ARAP2: variants seen among roughly 807,000 people sequenced by gnomAD.
ARAP2 encodes arf-GAP with Rho-GAP domain, ANK repeat and PH domain-containing protein 2.
ARAP2 carries 148 observed loss-of-function variants against 194.5 expected under a neutral mutation model. That is an observed-to-expected ratio of 0.76 (90% CI 0.67 to 0.87). The LOEUF is 0.87. Among genes scored for constraint, ARAP2 ranks in the 40% least tolerant of loss-of-function variants. The probability of loss-of-function intolerance (pLI) is 0.00; values close to 1 mark genes in which losing one functional copy is unlikely to be tolerated. For synonymous variants in ARAP2, 695 were observed against 683.5 expected (o/e 1.02, Z -0.26); for missense variants, 2,128 against 1,989.7 (o/e 1.07, Z -1.32).
chr4:36,059,312 G>A (rs543279071), intron 1 of ARAP2, among the ~76,000 whole-genome samples: 1 of 152,226 alleles, frequency 6.6e-6, no homozygotes, highest in East Asian at 1.9e-4. Flanking sequence ...ATAGTAGCAT[G>A]CAATTAGGGA....
At chr4:36,037,378 A>G (rs925094589) in intron 5 of ARAP2, among the ~76,000 whole-genome samples, 4 of 152,132 alleles carry the variant, frequency 2.6e-5, no homozygotes, top group African/African-American at 9.7e-5. Flanking sequence ...TGGGGATGTG[A>G]TGACATTAAC....
At chr4:36,182,185 T>C (rs1739434426) in intron 8 of ARAP2, among the ~76,000 whole-genome samples, 1 of 152,100 alleles carries the variant, frequency 6.6e-6, no homozygotes, top group African/African-American at 2.4e-5. Context: ...ACAAGTACTT[T>C]TTACTCTCAG....
chr4:36,167,902 C>T (rs10003917), intron 9 of ARAP2, among the ~76,000 whole-genome samples: 6 of 151,490 alleles, frequency 4.0e-5, no homozygotes, highest in South Asian at 2.1e-4. Context: ...CCACACTTTA[C>T]AAAACAATAT....
chr4:36,101,854 A>C (rs1717022191), intron 27 of ARAP2, among the ~76,000 whole-genome samples: 1 of 152,026 alleles, frequency 6.6e-6, no homozygotes, highest in Non-Finnish European at 1.5e-5. Context: ...CATGATTACC[A>C]TGACCACCAT....
intron 3 of ARAP2, among the ~76,000 whole-genome samples, chr4:36,048,148 A>G (rs1722118892): frequency 6.6e-6 from 1 of 152,198 alleles, no homozygotes; most frequent in Non-Finnish European, 1.5e-5. Context: ...TATACCCAGT[A>G]AAAGATTAAA....
At chr4:36,088,390 TAA>T (rs1712519020) in intron 28 of ARAP2, among the ~76,000 whole-genome samples, 1 of 152,184 alleles carries the variant, frequency 6.6e-6, no homozygotes. Context: ...AGCATAAACG[TAA>T]AGTTTGTGAA....
At chr4:36,164,320 TG>T (rs763224532) in intron 11 of ARAP2, among the ~76,000 whole-genome samples, 3 of 152,144 alleles carry the variant, frequency 2.0e-5, no homozygotes, top group Non-Finnish European at 2.9e-5. Context: ...ACACCTAAGC[TG>T]GGGTCCACTT....
intron 1 of ARAP2, among the ~76,000 whole-genome samples, chr4:36,242,550 T>C (rs1433090696): frequency 6.6e-6 from 1 of 152,200 alleles, no homozygotes; most frequent in Non-Finnish European, 1.5e-5. Context: ...ATAGTTTCAA[T>C]GCGTTAAAGT....
chr4:36,114,468 T>G (rs1218165181), intron 25 of ARAP2, among the ~76,000 whole-genome samples, 181 bp from the exon 26 acceptor site: 1 of 152,020 alleles, frequency 6.6e-6, no homozygotes, highest in East Asian at 1.9e-4. Flanking sequence ...CCATAAAATG[T>G]ACATAAGTAC....
chr4:36,073,520 A>G (rs1727523790), intron 32 of ARAP2, among the ~76,000 whole-genome samples, 169 bp downstream of exon 32: 1 of 152,136 alleles, frequency 6.6e-6, no homozygotes, highest in Admixed American at 6.6e-5. Context: ...AATAAAAGGT[A>G]TAAGGTTATT....
chr4:36,237,155 A>G (rs756074977), intron 1 of ARAP2, among the ~76,000 whole-genome samples: 1 of 152,254 alleles, frequency 6.6e-6, no homozygotes, highest in African/African-American at 2.4e-5. Flanking sequence ...TGTTGCATGT[A>G]TCATTGTAGA....
rs771256624 is a variant in ARAP2, at chr4:36,133,419, T to C, written c.3264-30A>G. 14 of 1,586,762 alleles carry C rather than the reference T, an allele frequency of 8.8e-6. No individual in the cohort carries two copies. In the Middle Eastern group the frequency reaches 5.1e-4, roughly 57 times the overall value. On this transcript the variant is annotated intron_variant, in intron 19 of 32. Coordinates refer to ENST00000303965, the MANE Select transcript of ARAP2 (RefSeq NM_015230.4). ...AAAGTTTAAAAAGCATTTCAAATTA[T>C]AATTTTGCTCTTTAAAAAAAAATCT...
At chr4:36,198,914 G>A (rs921669574) in intron 6 of ARAP2, among the ~76,000 whole-genome samples, 2 of 152,172 alleles carry the variant, frequency 1.3e-5, no homozygotes, top group African/African-American at 4.8e-5. Flanking sequence ...AGGGAGGCCT[G>A]GACTCATAGC....
intron 1 of ARAP2, among the ~76,000 whole-genome samples, chr4:36,240,524 T>A (rs1753308767): frequency 6.6e-6 from 1 of 152,206 alleles, no homozygotes; most frequent in African/African-American, 2.4e-5. Context: ...CTGTGTGGCC[T>A]TGGGAGAATT....
At chr4:36,073,975 G>T in intron 31 of ARAP2, 152 bp from the exon 32 acceptor site, 1 of 974,320 alleles carries the variant, frequency 1.0e-6, no homozygotes, top group Non-Finnish European at 1.5e-6. Flanking sequence ...GACTCTGGTG[G>T]CAGCATCGCT....
chr4:36,055,770 G>T (rs1261850068), intron 2 of ARAP2, among the ~76,000 whole-genome samples: 1 of 152,022 alleles, frequency 6.6e-6, no homozygotes, highest in Admixed American at 6.6e-5. Flanking sequence ...CACCATGTTG[G>T]CCAGGATGGT....
chr4:36,174,867 C>G (rs766618030), intron 9 of ARAP2, among the ~76,000 whole-genome samples: 6 of 152,270 alleles, frequency 3.9e-5, no homozygotes, highest in Middle Eastern at 3.4e-3. Flanking sequence ...AATGAGATTC[C>G]TCTTTAAAAA....
At chr4:36,153,771 C>G (rs554216690) in intron 15 of ARAP2, among the ~76,000 whole-genome samples, 25 of 152,278 alleles carry the variant, frequency 1.6e-4, no homozygotes, top group African/African-American at 6.0e-4. Context: ...TAACTGGAAG[C>G]CAGGGGAAAC....
intron 2 of ARAP2, among the ~76,000 whole-genome samples, chr4:36,219,890 G>A (rs1748778940): frequency 6.6e-6 from 1 of 152,062 alleles, no homozygotes; most frequent in Non-Finnish European, 1.5e-5. Flanking sequence ...AAATGAGCTA[G>A]ACTAAAAATA....
Sources: gnomAD v4.1 joint callset for allele counts (sites outside exome capture counted in the v4.1 genomes callset) on GRCh38, gnomAD v4.1.1 for gene constraint, MANE v1.5 for transcripts, NCBI Gene and HGNC (gene_info 2026-07-23, HGNC 2026-07-21) for gene names.